The following FYTTD1 variants were observed in gnomAD, a reference collection of about 807,000 sequenced individuals.
The protein encoded by FYTTD1 is UAP56-interacting factor.
Under a neutral mutation model 40.9 loss-of-function variants are expected in FYTTD1, and 22 were observed. The observed-to-expected ratio is 0.54, with a 90% confidence interval of 0.38 to 0.77. The LOEUF (loss-of-function observed/expected upper bound fraction) is 0.77. Ranked by LOEUF, FYTTD1 falls within the 30% of genes least tolerant of loss-of-function variation. The pLI, the probability that FYTTD1 is intolerant of heterozygous loss-of-function variation, is 0.00. For missense variants in FYTTD1, 351 were observed against 392.2 expected (o/e 0.90, Z 0.89); for synonymous variants, 140 against 137.9 (o/e 1.01, Z -0.10).
At chr3:197,763,414 C>CAAA (rs749568528) in intron 2 of FYTTD1, 78 of 239,442 alleles carry the variant, frequency 3.3e-4, no homozygotes, top group South Asian at 4.2e-4. Flanking sequence ...ACTCTTGTCT[C>CAAA]AAAAAAAAAA....
intron 1 of FYTTD1, among the ~76,000 whole-genome samples, chr3:197,751,621 G>GA (rs751950776): frequency 6.6e-6 from 1 of 151,888 alleles, no homozygotes; most frequent in South Asian, 2.1e-4. Context: ...GGCAGAGCGA[G>GA]ACCCTGTCTC....
chr3:197,767,195 A>AGT (rs1175487373), intron 2 of FYTTD1, among the ~76,000 whole-genome samples: 1 of 152,114 alleles, frequency 6.6e-6, no homozygotes, highest in Non-Finnish European at 1.5e-5. Context: ...GCTGAAGTGC[A>AGT]GTGGCACGAT....
rs567131062 is a variant in FYTTD1, at chr3:197,784,084, G to A, written c.*2175G>A. 1.3e-5 allele frequency: 2 copies of A among 152,406 alleles called. No individual in the cohort carries two copies. Among genetic ancestry groups the A allele is most frequent in the South Asian group, 2.1e-4 (1 of 4,814 alleles). 9.4% of individuals were successfully genotyped at this position (152,406 alleles called of 1,614,324 possible). ...GTTGTAATCCTTGTTCAGTTCTTAAGTTTCGGTTTTTTTTAAAAACAGGAT... is the reference window on the plus strand; with the variant it reads ...GTTGTAATCCTTGTTCAGTTCTTAAATTTCGGTTTTTTTTAAAAACAGGAT... On this transcript the variant is annotated 3_prime_UTR_variant, in exon 9 of 9. Transcript: ENST00000241502.
At chr3:197,767,600 G>C (rs907524304) in intron 2 of FYTTD1, among the ~76,000 whole-genome samples, 3 of 151,994 alleles carry the variant, frequency 2.0e-5, no homozygotes, top group Non-Finnish European at 4.4e-5. Flanking sequence ...GAGTAGCTGG[G>C]ACTACAGGCA....
intron 1 of FYTTD1, chr3:197,750,779 A>G (rs1402418280): frequency 5.1e-6 from 5 of 985,424 alleles, no homozygotes; most frequent in Non-Finnish European, 6.0e-6. Context: ...GAAAGCAAAC[A>G]TCTTTGAAGG....
intron 7 of FYTTD1, among the ~76,000 whole-genome samples, chr3:197,777,696 G>C (rs1580469041): frequency 6.6e-6 from 1 of 152,046 alleles, no homozygotes; most frequent in Non-Finnish European, 1.5e-5. Flanking sequence ...AATTTATGGA[G>C]CTTATGTTCT....
At chr3:197,781,752 C>A in intron 8 of FYTTD1, 59 bp from the exon 9 acceptor site, 1 of 1,182,494 alleles carries the variant, frequency 8.5e-7, no homozygotes, top group Non-Finnish European at 1.2e-6. Context: ...CAAATATGGC[C>A]TTCAGTAAAG....
intron 1 of FYTTD1, 76 bp from the exon 2 acceptor site, chr3:197,756,350 A>G (rs1729213962): frequency 5.0e-6 from 5 of 1,004,132 alleles, no homozygotes; most frequent in South Asian, 2.8e-5. Flanking sequence ...AACGTAGGAC[A>G]TCTATCAGCT....
chr3:197,750,240 C>A (rs1560489087), intron 1 of FYTTD1, 166 bp downstream of exon 1: 9 of 833,288 alleles, frequency 1.1e-5, no homozygotes, highest in African/African-American at 1.8e-5. Flanking sequence ...AGCGCAGGCT[C>A]GACGCCAGGT....
chr3:197,771,272 G>T lies in FYTTD1; in HGVS notation c.497+1028G>T, dbSNP rs576984033. Among the ~76,000 whole-genome samples, 19 of 152,304 alleles carry T rather than the reference G, an allele frequency of 1.2e-4. 1 individual carries two copies. The South Asian group carries it at 2.3e-3, about 18-fold the overall frequency. ...TAAGGACAAAGTAGATGAAGTTGAT[G>T]AGGTGTGAAGTTTCCTTATTCAGTT... On this transcript the variant is annotated intron_variant, in intron 4 of 8. Coordinates refer to ENST00000241502, the MANE Select transcript of FYTTD1 (RefSeq NM_032288.7).
chr3:197,760,775 A>C (rs1013194707), intron 2 of FYTTD1, among the ~76,000 whole-genome samples: 1 of 152,054 alleles, frequency 6.6e-6, no homozygotes, highest in Admixed American at 6.5e-5. Flanking sequence ...CAGTGGTAGA[A>C]TGTATGGAGT....
upstream of FYTTD1, chr3:197,749,741 T>C: frequency 1.7e-6 from 1 of 600,916 alleles, no homozygotes; most frequent in South Asian, 1.6e-5. Flanking sequence ...GCGGCTGCAA[T>C]GCCTCGTCCG....
chr3:197,750,398 C>T, intron 1 of FYTTD1: 1 of 1,066,968 alleles, frequency 9.4e-7, no homozygotes, highest in Non-Finnish European at 1.1e-6. Context: ...CTACGGCTCG[C>T]CGCTCGCCGG....
intron 5 of FYTTD1, 116 bp from the exon 6 acceptor site, chr3:197,774,033 C>T: frequency 1.2e-6 from 1 of 829,994 alleles, no homozygotes; most frequent in East Asian, 2.4e-5. Context: ...AGCGCAGGCA[C>T]CTCCGCTGCA....
intron 1 of FYTTD1, chr3:197,750,950 GTTAGC>G: frequency 4.9e-6 from 3 of 613,112 alleles, no homozygotes; most frequent in Non-Finnish European, 6.1e-6. Flanking sequence ...AGCCGCTGTG[GTTAGC>G]TTAGGTGGGC....
intron 2 of FYTTD1, among the ~76,000 whole-genome samples, chr3:197,762,689 T>C (rs1729423851): frequency 6.6e-6 from 1 of 151,664 alleles, no homozygotes; most frequent in Non-Finnish European, 1.5e-5. Flanking sequence ...GAGACCGTCC[T>C]GGCTAACACA....
In FYTTD1 at chr3:197,773,271, A is replaced by C. The variant is rs947002211; in HGVS notation, c.498-132A>C. On this transcript the variant is annotated intron_variant, in intron 4 of 8. Transcript: ENST00000241502. ...CTCAGTAGCTTCATGTTAATAAGCA[A>C]ATAATTCAGAGTTGTTTGTTTCTTG... The C allele has an allele frequency of 1.2e-5, 7 of 606,874 alleles. 1 individual carries two copies. Among genetic ancestry groups the C allele is most frequent in the South Asian group, 2.1e-5 (1 of 47,580 alleles). 37.6% of individuals were successfully genotyped at this position (606,874 alleles called of 1,614,324 possible).
At chr3:197,752,005 G>A (rs993735314) in intron 1 of FYTTD1, among the ~76,000 whole-genome samples, 1 of 152,074 alleles carries the variant, frequency 6.6e-6, no homozygotes, top group Non-Finnish European at 1.5e-5. Flanking sequence ...CCGAGTAGCT[G>A]TGATTACAGG....
At chr3:197,749,825 C>T, upstream of FYTTD1, 1 of 493,790 alleles carries the variant, frequency 2.0e-6, no homozygotes, top group Non-Finnish European at 3.4e-6. Flanking sequence ...GGTGGCCCCG[C>T]CCCGCCCGCA....
Sources: gnomAD v4.1 joint callset for allele counts (sites outside exome capture counted in the v4.1 genomes callset) on GRCh38, gnomAD v4.1.1 for gene constraint, MANE v1.5 for transcripts, NCBI Gene and HGNC (gene_info 2026-07-23, HGNC 2026-07-21) for gene names.